Variants in ADRA1D observed in about 807,000 individuals in gnomAD.
ADRA1D encodes the protein adrenoceptor alpha 1D.
Under a neutral mutation model 18.6 loss-of-function variants are expected in ADRA1D, and 22 were observed. The ratio of observed to expected loss-of-function variants is 1.19; its 90% CI spans 0.85 to 1.69. The LOEUF (loss-of-function observed/expected upper bound fraction) is 1.69. Ranked by LOEUF, ADRA1D falls within the 40% of genes most tolerant of loss-of-function variation. ADRA1D has a pLI of 0.00. For synonymous variants in ADRA1D, 376 were observed against 388.2 expected, an observed-to-expected ratio of 0.97 and a Z score of 0.37; for missense variants, 840 against 840.7, an observed-to-expected ratio of 1.00 and a Z score of 0.01.
chr20:4,221,356 G>T lies in ADRA1D; in HGVS notation c.*167C>A. On this transcript the variant is annotated 3_prime_UTR_variant, in exon 2 of 2. Transcript: ENST00000379453. ...GCCCCACTACTTTTCACCTTTCAAG[G>T]GCTCCAGCCTCAAGCTCTGCCCAGT... 1.4e-6 allele frequency: 1 copy of T among 727,156 alleles called. No homozygotes were observed. Among genetic ancestry groups the T allele is most frequent in the Non-Finnish European group, 2.1e-6 (1 of 472,268 alleles). 45.0% of individuals were successfully genotyped at this position (727,156 alleles called of 1,614,324 possible).
Position 4,248,785 on chromosome 20 carries a change from C to T in ADRA1D, c.173G>A (p.Gly58Asp), listed in dbSNP as rs1026693094. 33 of 1,211,848 alleles carry T rather than the reference C, an allele frequency of 2.7e-5. No individual in the cohort carries two copies. The highest frequency in any genetic ancestry group is 3.2e-5 in the Non-Finnish European group (31 of 975,434). The allele number at this position is 1,211,848 out of a possible 1,614,324, so 75.1% of individuals were successfully genotyped here. A position where few individuals can be genotyped will look rare whatever the true frequency, so the allele number is the denominator to read the frequency against. Residue 58 changes from glycine to aspartate, a missense_variant, in exon 1 of 2, where the codon GGC becomes GAC. Transcript: ENST00000379453. ...CCGGTTGTCCTCGCCGCTGCCTGCG[C>T]CCACCACGCCGCCGCCGCCGCCCGC... ...GGAGGGGGVVGAGSGEDNRSS... is the reference protein window; with the variant it reads ...GGAGGGGGVVDAGSGEDNRSS...
rs113907488 is a variant in ADRA1D, at chr20:4,248,718, G to C, written c.240C>G (p.Asp80Glu). The change falls in exon 1 of 2, where the codon GAC becomes GAG. Residue 80 changes from aspartate to glutamate, a missense_variant. Physicochemically the swap from Asp to Glu is conservative, Grantham distance 45 (BLOSUM62 2). Transcript: ENST00000379453. ...CCCCGACGGCCGCCGTGCCATTCAC[G>C]TCGCCGCCCGCGCCCGCGCTCCCCG... ...GEPGSAGAGG[D>E]VNGTAAVGGL... The C allele has an allele frequency of 2.8e-5, 43 of 1,556,098 alleles. 1 individual carries two copies. The African/African-American group carries it at 3.5e-4, about 13-fold the overall frequency.
rs1018911657 is a variant in ADRA1D at position 4,222,543 on chromosome 20, G to A, written c.1112-413C>T. ...CTCTGTGACAAAGTACGGCTCTCTG[G>A]AAAGATGCTTTGAAGATAAAATAGG... On this transcript the variant is annotated intron_variant, in intron 1 of 1. Coordinates refer to ENST00000379453, the MANE Select transcript of ADRA1D (RefSeq NM_000678.4). The surrounding 1 kb of genome is among the most constrained non-coding windows in gnomAD (Gnocchi z 4.3). Among the ~76,000 whole-genome samples, 3 of 152,066 alleles carry A rather than the reference G, an allele frequency of 2.0e-5. No individual in the cohort carries two copies. The highest frequency in any genetic ancestry group is 2.0e-4 in the Admixed American group (3 of 15,258).
chr20:4,244,433 A>G (rs1050055166), intron 1 of ADRA1D, among the ~76,000 whole-genome samples: 14 of 151,896 alleles, frequency 9.2e-5, no homozygotes, highest in African/African-American at 2.2e-4. Flanking sequence ...ATGCTCCCCA[A>G]AGCTCTGTCC....
At position 4,222,608 on chromosome 20, in the gene ADRA1D, C is replaced by G. The variant is rs370450326; in HGVS notation, c.1112-478G>C. Among the ~76,000 whole-genome samples the G allele has an allele frequency of 6.6e-6, 1 of 152,164 alleles. No homozygotes were observed. The highest frequency in any genetic ancestry group is 2.4e-5 in the African/African-American group (1 of 41,430). ...CCCGCCTCCCTGCCACATCTCCTGTCTGAGTCACTGTTTTCCTGAAATGAT... is the reference window on the plus strand; with the variant it reads ...CCCGCCTCCCTGCCACATCTCCTGTGTGAGTCACTGTTTTCCTGAAATGAT... On this transcript the variant is annotated intron_variant, in intron 1 of 1. Transcript: ENST00000379453. This position sits in a 1 kb window ranked among gnomAD's most constrained non-coding sequence, Gnocchi z 4.3.
intron 1 of ADRA1D, among the ~76,000 whole-genome samples, chr20:4,231,034 TTCTTTTTCTTTC>T (rs1255475916): frequency 7.6e-6 from 1 of 130,792 alleles, no homozygotes; most frequent in Non-Finnish European, 1.6e-5. Context: ...TTCTCTTTCT[TTCTTTTTCTTTC>T]TTTCTTTCTT....
chr20:4,228,072 T>C (rs1355107181), intron 1 of ADRA1D, among the ~76,000 whole-genome samples: 1 of 152,178 alleles, frequency 6.6e-6, no homozygotes, highest in African/African-American at 2.4e-5. Context: ...TCCTGTCTTT[T>C]CTCTCTCTTC....
Position 4,222,314 on chromosome 20 carries a change from A to T in ADRA1D, c.1112-184T>A. 1.3e-6 allele frequency: 1 copy of T among 759,678 alleles called. No homozygotes were observed. Among genetic ancestry groups the T allele is most frequent in the Non-Finnish European group, 1.9e-6 (1 of 516,086 alleles). 47.1% of individuals were successfully genotyped at this position (759,678 alleles called of 1,614,324 possible). A position where few individuals can be genotyped will look rare whatever the true frequency, so the allele number is the denominator to read the frequency against. ...ATAGAGAAAAATAATAATTGTTTTCACTCACCTCTACCTGATATTGAGGAT... is the reference window on the plus strand; with the variant it reads ...ATAGAGAAAAATAATAATTGTTTTCTCTCACCTCTACCTGATATTGAGGAT... On this transcript the variant is annotated intron_variant, in intron 1 of 1. Coordinates refer to ENST00000379453, the MANE Select transcript of ADRA1D (RefSeq NM_000678.4). This position sits in a 1 kb window ranked among gnomAD's most constrained non-coding sequence, Gnocchi z 4.3.
At chr20:4,231,416 G>A (rs900797312) in intron 1 of ADRA1D, among the ~76,000 whole-genome samples, 3 of 151,926 alleles carry the variant, frequency 2.0e-5, no homozygotes, top group Non-Finnish European at 2.9e-5. Context: ...ACCATGTCTG[G>A]CCTGAGAAAT....
At chr20:4,235,228 G>A (rs1361296306) in intron 1 of ADRA1D, among the ~76,000 whole-genome samples, 1 of 152,086 alleles carries the variant, frequency 6.6e-6, no homozygotes, top group East Asian at 1.9e-4. Context: ...ACCTGGGGCT[G>A]GCCCCAGACT....
In ADRA1D at chr20:4,247,914, C is replaced by A; in HGVS notation, c.1044G>T (p.Lys348Asn). The change falls in exon 1 of 2, where the codon AAG (lysine) becomes AAT (asparagine). Residue 348 changes from lysine (K) to asparagine (N), a missense_variant. Coordinates refer to ENST00000379453, the MANE Select transcript of ADRA1D (RefSeq NM_000678.4). ...AGACACCCACGACGATGGCCAGAGT[C>A]TTGGCCGCTTTCTTCTCACGGGAGA... is the stretch of plus-strand genomic sequence containing the variant. ...LKFSREKKAA[K>N]TLAIVVGVFV... The A allele has an allele frequency of 6.2e-7, 1 of 1,604,796 alleles. No homozygotes were observed. The highest frequency in any genetic ancestry group is 1.7e-5 in the Admixed American group (1 of 58,446).
intron 1 of ADRA1D, among the ~76,000 whole-genome samples, chr20:4,240,919 G>C (rs1220152126): frequency 6.6e-6 from 1 of 152,060 alleles, no homozygotes; most frequent in East Asian, 1.9e-4. Context: ...TATACTAACA[G>C]GGTTCTCTCT....
chr20:4,243,046 G>A (rs1318360997), intron 1 of ADRA1D, among the ~76,000 whole-genome samples: 2 of 152,148 alleles, frequency 1.3e-5, no homozygotes, highest in East Asian at 1.9e-4. Context: ...TCTGCAGTTG[G>A]GTGCTTGCCT....
intron 1 of ADRA1D, among the ~76,000 whole-genome samples, chr20:4,233,464 C>T (rs1240705375): frequency 6.6e-6 from 1 of 151,886 alleles, no homozygotes; most frequent in Non-Finnish European, 1.5e-5. Context: ...CATGCAGCCA[C>T]TTGCATGGTG....
intron 1 of ADRA1D, among the ~76,000 whole-genome samples, chr20:4,227,761 C>CCT (rs1568763500): frequency 3.5e-4 from 34 of 95,870 alleles, no homozygotes; most frequent in African/African-American, 1.3e-3. Flanking sequence ...TTCTCTCTCT[C>CCT]TCTTTCTTCT....
intron 1 of ADRA1D, among the ~76,000 whole-genome samples, chr20:4,241,651 T>C (rs1476020893): frequency 6.6e-6 from 1 of 152,142 alleles, no homozygotes; most frequent in Non-Finnish European, 1.5e-5. Flanking sequence ...CGGGAGACAA[T>C]GATGCCATTA....
rs933272968 is a variant in ADRA1D, at chr20:4,222,427, A to G, written c.1112-297T>C. 2 of 278,946 alleles carry G rather than the reference A, an allele frequency of 7.2e-6. No homozygotes were observed. The highest frequency in any genetic ancestry group is 4.4e-5 in the African/African-American group (2 of 45,150). 17.3% of individuals were successfully genotyped at this position (278,946 alleles called of 1,614,324 possible). On this transcript the variant is annotated intron_variant, in intron 1 of 1. Coordinates refer to ENST00000379453, the MANE Select transcript of ADRA1D (RefSeq NM_000678.4). This position sits in a 1 kb window ranked among gnomAD's most constrained non-coding sequence, Gnocchi z 4.3. ...GTTTTTGTAGCTCAAAACCGGTGCA[A>G]TATTGGCAGTTTCGTATTATGAGAC...
intron 1 of ADRA1D, among the ~76,000 whole-genome samples, chr20:4,225,244 C>T (rs1202001560): frequency 1.3e-5 from 2 of 151,708 alleles, no homozygotes; most frequent in African/African-American, 4.8e-5. Flanking sequence ...CGTGATCTGC[C>T]TGCCTCAGCC....
At chr20:4,224,238 T>C (rs1445524422) in intron 1 of ADRA1D, among the ~76,000 whole-genome samples, 1 of 152,136 alleles carries the variant, frequency 6.6e-6, no homozygotes, top group Non-Finnish European at 1.5e-5. Context: ...ATAAACACAC[T>C]GCTCATGGGC....
Sources: gnomAD v4.1 joint callset for allele counts (sites outside exome capture counted in the v4.1 genomes callset) on GRCh38, gnomAD v4.1.1 for gene constraint, Gnocchi (gnomAD v3.1) non-coding constraint, MANE v1.5 for transcripts, NCBI Gene and HGNC (gene_info 2026-07-23, HGNC 2026-07-21) for gene names.